The following ZCCHC3 variants were observed in gnomAD, a reference collection of about 807,000 sequenced individuals.
ZCCHC3 encodes zinc finger CCHC-type containing 3, also known as zinc finger CCHC domain-containing protein 3.
A neutral mutation model predicts 18.4 loss-of-function variants in ZCCHC3; 20 were observed. The ratio of observed to expected loss-of-function variants is 1.09; its 90% CI spans 0.76 to 1.58. ZCCHC3 has a LOEUF of 1.58. Among genes scored for constraint, ZCCHC3 ranks in the 40% most tolerant of loss-of-function variants. ZCCHC3 has a pLI of 0.00. For synonymous variants in ZCCHC3, 310 were observed against 232.7 expected (o/e 1.33, Z -3.02); for missense variants, 548 against 511.2 (o/e 1.07, Z -0.69).
Position 298,117 on chromosome 20 carries a change from C to G in ZCCHC3, c.531C>G (p.Ala177=). The G allele has an allele frequency of 6.2e-7, 1 of 1,602,076 alleles. No individual in the cohort carries two copies. Among genetic ancestry groups the G allele is most frequent in the Non-Finnish European group, 8.5e-7 (1 of 1,175,512 alleles). The change falls in exon 1 of 1, where the codon GCC becomes GCG. Residue 177 remains alanine (A), a synonymous_variant. Coordinates refer to ENST00000500893, the MANE Select transcript of ZCCHC3 (RefSeq NM_033089.7). ...TCTGTTTCCAGGGAGACGAGGGCGCCTGCCCGACCCGGGACTTCGTGGTAG... is the reference window on the plus strand; with the variant it reads ...TCTGTTTCCAGGGAGACGAGGGCGCGTGCCCGACCCGGGACTTCGTGGTAG... ...VRICFQGDEG[A]CPTRDFVVGA...
At position 297,880 on chromosome 20, in the gene ZCCHC3, G is replaced by C; in HGVS notation, c.294G>C (p.Lys98Asn). The C allele has an allele frequency of 8.0e-7, 1 of 1,248,220 alleles. No individual in the cohort carries two copies. Among genetic ancestry groups the C allele is most frequent in the Non-Finnish European group, 1.0e-6 (1 of 996,622 alleles). 77.3% of individuals were successfully genotyped at this position (1,248,220 alleles called of 1,614,324 possible). Reference protein sequence around the residue: ...DFPPAGRGDPKGRRRDPAGEA... With the variant: ...DFPPAGRGDPNGRRRDPAGEA... ...CACCGGCTGGCCGCGGGGATCCGAAGGGCCGTCGGAGAGATCCGGCCGGCG... is the reference window on the plus strand; with the variant it reads ...CACCGGCTGGCCGCGGGGATCCGAACGGCCGTCGGAGAGATCCGGCCGGCG... Residue 98 changes from lysine to asparagine, a missense_variant, in exon 1 of 1, where the codon AAG becomes AAC. Transcript: ENST00000500893.
In ZCCHC3 at chr20:299,105, G is replaced by GC. The variant is rs143844000; in HGVS notation, c.*313dup. 0.014 allele frequency: 3,304 copies of GC among 235,514 alleles called. 76 individuals carry two copies. Among genetic ancestry groups the GC allele is most frequent in the African/African-American group, 0.067 (2,730 of 40,644 alleles). 14.6% of individuals were successfully genotyped at this position (235,514 alleles called of 1,614,324 possible). A position where few individuals can be genotyped will look rare whatever the true frequency, so the allele number is the denominator to read the frequency against. ...TCTTGTACTTTTTCTCTCTCTCCTT[G>GC]CCCCCCTCCCGCCCTCCCCGCCCCA... On this transcript the variant is annotated 3_prime_UTR_variant, in exon 1 of 1. Transcript: ENST00000500893.
chr20:298,381 C>A lies in ZCCHC3; in HGVS notation c.795C>A (p.Asp265Glu), dbSNP rs1256145755. Residue 265 changes from aspartate to glutamate, a missense_variant, in exon 1 of 1, where the codon GAC becomes GAA. Coordinates refer to ENST00000500893, the MANE Select transcript of ZCCHC3 (RefSeq NM_033089.7). ...TCCTCTTCCGGAACGAGACGGTGGA[C>A]GTGGAGGACATTGTGACTTGGCTCA... ...LFILFRNETV[D>E]VEDIVTWLKR... 6 of 781,978 alleles carry A rather than the reference C, an allele frequency of 7.7e-6. No homozygotes were observed. The East Asian group carries it at 1.2e-4, about 16-fold the overall frequency. The allele number at this position is 781,978 out of a possible 1,614,324, so 48.4% of individuals were successfully genotyped here. A position where few individuals can be genotyped will look rare whatever the true frequency, so the allele number is the denominator to read the frequency against.
chr20:299,308 A>T lies in ZCCHC3; in HGVS notation c.*510A>T, dbSNP rs1600197883. The T allele has an allele frequency of 6.0e-6, 1 of 167,430 alleles. No individual in the cohort carries two copies. Among genetic ancestry groups the T allele is most frequent in the Non-Finnish European group, 1.5e-5 (1 of 68,384 alleles). 10.4% of individuals were successfully genotyped at this position (167,430 alleles called of 1,614,324 possible). On this transcript the variant is annotated 3_prime_UTR_variant, in exon 1 of 1. Transcript: ENST00000500893. Reference sequence around the variant, plus strand: ...CCTTTTGCAGCTCTTCCCCTCCCTCATTTAATTTGCTGCTTTTAATCTACG... The same window carrying T: ...CCTTTTGCAGCTCTTCCCCTCCCTCTTTTAATTTGCTGCTTTTAATCTACG...
chr20:297,781 AAGC>A lies in ZCCHC3; in HGVS notation c.196_198del (p.Ser66del). The A allele has an allele frequency of 7.3e-7, 1 of 1,366,146 alleles. No individual in the cohort carries two copies. The highest frequency in any genetic ancestry group is 9.5e-7 in the Non-Finnish European group (1 of 1,055,758). The allele number at this position is 1,366,146 out of a possible 1,614,324, so 84.6% of individuals were successfully genotyped here. On this transcript the variant is annotated inframe_deletion, in exon 1 of 1. Coordinates refer to ENST00000500893, the MANE Select transcript of ZCCHC3 (RefSeq NM_033089.7). ...CGCGGCCGCCGCGGCGGGAGGAGGA[AAGC>A]GGCGGCGGTGGAGGGAGCGCCGGGC...
In ZCCHC3 at chr20:298,832, C is replaced by T; in HGVS notation, c.*34C>T. Reference sequence around the variant, plus strand: ...CTGCCTGCCAGGGTGAACACACAGCCAGCTTATCCCTCTTAAGTGCCAAAA... The same window carrying T: ...CTGCCTGCCAGGGTGAACACACAGCTAGCTTATCCCTCTTAAGTGCCAAAA... On this transcript the variant is annotated 3_prime_UTR_variant, in exon 1 of 1. Transcript: ENST00000500893. 5 of 1,490,362 alleles carry T rather than the reference C, an allele frequency of 3.4e-6. No individual in the cohort carries two copies. The highest frequency in any genetic ancestry group is 4.5e-6 in the Non-Finnish European group (5 of 1,119,834). 92.3% of individuals were successfully genotyped at this position (1,490,362 alleles called of 1,614,324 possible). A position where few individuals can be genotyped will look rare whatever the true frequency, so the allele number is the denominator to read the frequency against.
At position 297,670 on chromosome 20, in the gene ZCCHC3, C is replaced by T. The variant is rs549818711; in HGVS notation, c.84C>T (p.Gly28=). ...CCCCCGCGCGGCCCGCGGCCCGGGGCGAGGAGGCCGACGGCGGCCGCGAGA... is the reference window on the plus strand; with the variant it reads ...CCCCCGCGCGGCCCGCGGCCCGGGGTGAGGAGGCCGACGGCGGCCGCGAGA... ...LLPPARPAAR[G]EEADGGREKM... The change falls in exon 1 of 1, where the codon GGC becomes GGT. Residue 28 remains glycine (G), a synonymous_variant. Transcript: ENST00000500893. 206 of 1,364,320 alleles carry T rather than the reference C, an allele frequency of 1.5e-4. 1 individual carries two copies. In the African/African-American group the frequency reaches 3.0e-3, roughly 20 times the overall value. The allele number at this position is 1,364,320 out of a possible 1,614,324, so 84.5% of individuals were successfully genotyped here.
In ZCCHC3 at chr20:297,938, G is replaced by A; in HGVS notation, c.352G>A (p.Ala118Thr). 7.8e-7 allele frequency: 1 copy of A among 1,283,086 alleles called. No homozygotes were observed. Among genetic ancestry groups the A allele is most frequent in the Non-Finnish European group, 9.8e-7 (1 of 1,018,092 alleles). The allele number at this position is 1,283,086 out of a possible 1,614,324, so 79.5% of individuals were successfully genotyped here. Residue 118 changes from alanine (A) to threonine (T), a missense_variant, in exon 1 of 1, where the codon GCG (alanine) becomes ACG (threonine). Physicochemically the swap from Ala to Thr is moderately conservative, Grantham distance 58. Coordinates refer to ENST00000500893, the MANE Select transcript of ZCCHC3 (RefSeq NM_033089.7). Reference sequence around the variant, plus strand: ...GGACCCCCGCAAAAAGAAGGGCGCTGCGGAGGCGGGCAGGAGGAAGAAGGC... The same window carrying A: ...GGACCCCCGCAAAAAGAAGGGCGCTACGGAGGCGGGCAGGAGGAAGAAGGC... ...AVDPRKKKGA[A>T]EAGRRKKAEA... is the part of the protein sequence containing the mutation.
In ZCCHC3 at chr20:299,000, G is replaced by T. The variant is rs982993778; in HGVS notation, c.*202G>T. 8.5e-6 allele frequency: 4 copies of T among 469,564 alleles called. No individual in the cohort carries two copies. Among genetic ancestry groups the T allele is most frequent in the African/African-American group, 8.1e-5 (4 of 49,412 alleles). The allele number at this position is 469,564 out of a possible 1,614,324, so 29.1% of individuals were successfully genotyped here. On this transcript the variant is annotated 3_prime_UTR_variant, in exon 1 of 1. Coordinates refer to ENST00000500893, the MANE Select transcript of ZCCHC3 (RefSeq NM_033089.7). ...TGACTCTGTCACCAATAACGACTGC[G>T]GAGAACTGTAGCGTGCAGATGTGTT...
At position 297,751 on chromosome 20, in the gene ZCCHC3, C is replaced by T; in HGVS notation, c.165C>T (p.Arg55=). The change falls in exon 1 of 1, where the codon CGC becomes CGT. Residue 55 remains arginine, a synonymous_variant. Coordinates refer to ENST00000500893, the MANE Select transcript of ZCCHC3 (RefSeq NM_033089.7). ...KNLAEKKGEF[R]EPRPPRREEE... ...TAGCCGAGAAGAAGGGCGAATTCCG[C>T]GAGCCGCGGCCGCCGCGGCGGGAGG... 1 of 1,363,732 alleles carries T rather than the reference C, an allele frequency of 7.3e-7. No homozygotes were observed. Among genetic ancestry groups the T allele is most frequent in the South Asian group, 1.8e-5 (1 of 55,362 alleles). 84.5% of individuals were successfully genotyped at this position (1,363,732 alleles called of 1,614,324 possible). A position where few individuals can be genotyped will look rare whatever the true frequency, so the allele number is the denominator to read the frequency against.
chr20:297,944 G>A lies in ZCCHC3; in HGVS notation c.358G>A (p.Ala120Thr). The part of the protein sequence containing the change: ...DPRKKKGAAE[A>T]GRRKKAEAAA... ...CCGCAAAAAGAAGGGCGCTGCGGAG[G>A]CGGGCAGGAGGAAGAAGGCCGAGGC... Residue 120 changes from alanine to threonine, a missense_variant, in exon 1 of 1, where the codon GCG becomes ACG. Ala to Thr is a moderately conservative substitution (Grantham distance 58). Coordinates refer to ENST00000500893, the MANE Select transcript of ZCCHC3 (RefSeq NM_033089.7). 1 of 1,286,206 alleles carries A rather than the reference G, an allele frequency of 7.8e-7. No individual in the cohort carries two copies. Among genetic ancestry groups the A allele is most frequent in the South Asian group, 2.8e-5 (1 of 35,382 alleles). The allele number at this position is 1,286,206 out of a possible 1,614,324, so 79.7% of individuals were successfully genotyped here. A position where few individuals can be genotyped will look rare whatever the true frequency, so the allele number is the denominator to read the frequency against.
Position 298,312 on chromosome 20 carries a change from T to C in ZCCHC3, c.726T>C (p.Phe242=), listed in dbSNP as rs1169317319. The C allele has an allele frequency of 6.3e-6, 5 of 795,748 alleles. No individual in the cohort carries two copies. Among genetic ancestry groups the C allele is most frequent in the Non-Finnish European group, 2.3e-6 (1 of 431,644 alleles). 49.3% of individuals were successfully genotyped at this position (795,748 alleles called of 1,614,324 possible). Reference sequence around the variant, plus strand: ...AGCAGGAGGACTGCTGGGAGAACTTTGTGGTGCTGGGGCGGAGCAAGTCCA... The same window carrying C: ...AGCAGGAGGACTGCTGGGAGAACTTCGTGGTGCTGGGGCGGAGCAAGTCCA... ...KREQEDCWEN[F]VVLGRSKSSL... is the part of the protein sequence containing the mutation. Residue 242 remains phenylalanine (F), a synonymous_variant, in exon 1 of 1, where the codon TTT becomes TTC. Coordinates refer to ENST00000500893, the MANE Select transcript of ZCCHC3 (RefSeq NM_033089.7).
rs756469217 is a variant in ZCCHC3 at position 298,207 on chromosome 20, G to T, written c.621G>T (p.Pro207=). The T allele has an allele frequency of 2.4e-6, 3 of 1,242,380 alleles. No homozygotes were observed. The highest frequency in any genetic ancestry group is 3.6e-6 in the Non-Finnish European group (3 of 840,322). 77.0% of individuals were successfully genotyped at this position (1,242,380 alleles called of 1,614,324 possible). Residue 207 remains proline, a synonymous_variant, in exon 1 of 1, where the codon CCG becomes CCT. Transcript: ENST00000500893. The part of the protein sequence containing the change: ...PSDIYAVIQI[P]GSREFDVSFR... ...ACATCTACGCGGTCATCCAGATCCC[G>T]GGCAGCCGCGAATTCGACGTGAGCT...
rs1314083575 is a variant in ZCCHC3 at position 299,990 on chromosome 20, G to GT, written c.*1195dup. On this transcript the variant is annotated 3_prime_UTR_variant, in exon 1 of 1. Transcript: ENST00000500893. ...CCCTGTGTAAAGAAACCTACCAAAG[G>GT]TTTACATTTGCACCTTAGCCTCAAT... 6.0e-6 allele frequency: 1 copy of GT among 167,062 alleles called. No homozygotes were observed. The highest frequency in any genetic ancestry group is 1.5e-5 in the Non-Finnish European group (1 of 68,110). The allele number at this position is 167,062 out of a possible 1,614,324, so 10.3% of individuals were successfully genotyped here. A position where few individuals can be genotyped will look rare whatever the true frequency, so the allele number is the denominator to read the frequency against.
Position 298,770 on chromosome 20 carries a change from C to T in ZCCHC3, c.1184C>T (p.Ala395Val). 1 of 1,523,826 alleles carries T rather than the reference C, an allele frequency of 6.6e-7. No homozygotes were observed. Among genetic ancestry groups the T allele is most frequent in the Non-Finnish European group, 8.8e-7 (1 of 1,133,098 alleles). 94.4% of individuals were successfully genotyped at this position (1,523,826 alleles called of 1,614,324 possible). A position where few individuals can be genotyped will look rare whatever the true frequency, so the allele number is the denominator to read the frequency against. Residue 395 changes from alanine to valine, a missense_variant, in exon 1 of 1, where the codon GCT (alanine) becomes GTT (valine). Physicochemically the swap from Ala to Val is moderately conservative, Grantham distance 64. Transcript: ENST00000500893. ...CPKAVHNSVA[A>V]QLTGVAGH Reference sequence around the variant, plus strand: ...AAAGCAGTGCACAATTCCGTGGCAGCTCAGCTAACCGGCGTGGCCGGGCAC... The same window carrying T: ...AAAGCAGTGCACAATTCCGTGGCAGTTCAGCTAACCGGCGTGGCCGGGCAC...
Position 298,867 on chromosome 20 carries a change from A to C in ZCCHC3, c.*69A>C, listed in dbSNP as rs1461338953. Reference sequence around the variant, plus strand: ...CTCTTAAGTGCCAAAACTTTTTTTTAAACCATTTTTTATCGTTTTTGAAGG... The same window carrying C: ...CTCTTAAGTGCCAAAACTTTTTTTTCAACCATTTTTTATCGTTTTTGAAGG... On this transcript the variant is annotated 3_prime_UTR_variant, in exon 1 of 1. Transcript: ENST00000500893. The C allele has an allele frequency of 2.1e-6, 3 of 1,459,052 alleles. No homozygotes were observed. Among genetic ancestry groups the C allele is most frequent in the East Asian group, 2.5e-5 (1 of 40,552 alleles). The allele number at this position is 1,459,052 out of a possible 1,614,324, so 90.4% of individuals were successfully genotyped here. A position where few individuals can be genotyped will look rare whatever the true frequency, so the allele number is the denominator to read the frequency against.
Position 299,011 on chromosome 20 carries a change from G to C in ZCCHC3, c.*213G>C, listed in dbSNP as rs941466437. ...CCAATAACGACTGCGGAGAACTGTA[G>C]CGTGCAGATGTGTTGCCCCTCCCTT... On this transcript the variant is annotated 3_prime_UTR_variant, in exon 1 of 1. Transcript: ENST00000500893. 32 of 431,440 alleles carry C rather than the reference G, an allele frequency of 7.4e-5. No individual in the cohort carries two copies. The highest frequency in any genetic ancestry group is 3.7e-5 in the Non-Finnish European group (9 of 242,392). The allele number at this position is 431,440 out of a possible 1,614,324, so 26.7% of individuals were successfully genotyped here. A position where few individuals can be genotyped will look rare whatever the true frequency, so the allele number is the denominator to read the frequency against.
chr20:298,064 C>T lies in ZCCHC3; in HGVS notation c.478C>T (p.Pro160Ser). Residue 160 changes from proline (P) to serine (S), a missense_variant, in exon 1 of 1, where the codon CCG (proline) becomes TCG (serine). By Grantham distance (74) the Pro-to-Ser change is moderately conservative. Transcript: ENST00000500893. ...GGATGAGCCGGCGGCGGCGGCAGGCCCGGGCAAGGGTCGCTTCCTCGTCCG... is the reference window on the plus strand; with the variant it reads ...GGATGAGCCGGCGGCGGCGGCAGGCTCGGGCAAGGGTCGCTTCCTCGTCCG... ...LQDEPAAAAG[P>S]GKGRFLVRIC... is the part of the protein sequence containing the mutation. The T allele has an allele frequency of 6.6e-7, 1 of 1,514,392 alleles. No homozygotes were observed. Among genetic ancestry groups the T allele is most frequent in the Non-Finnish European group, 8.9e-7 (1 of 1,128,248 alleles). The allele number at this position is 1,514,392 out of a possible 1,614,324, so 93.8% of individuals were successfully genotyped here. A position where few individuals can be genotyped will look rare whatever the true frequency, so the allele number is the denominator to read the frequency against.
chr20:298,905 A>G lies in ZCCHC3; in HGVS notation c.*107A>G. ...TCGTTTTTGAAGGAGATCTTTTTAA[A>G]ACCTACAAGAGACATCTCTCTATGC... is the stretch of plus-strand genomic sequence containing the variant. On this transcript the variant is annotated 3_prime_UTR_variant, in exon 1 of 1. Transcript: ENST00000500893. 7.6e-7 allele frequency: 1 copy of G among 1,310,196 alleles called. No individual in the cohort carries two copies. Among genetic ancestry groups the G allele is most frequent in the Non-Finnish European group, 1.0e-6 (1 of 985,112 alleles). The allele number at this position is 1,310,196 out of a possible 1,614,324, so 81.2% of individuals were successfully genotyped here.
Sources: gnomAD v4.1 joint callset for allele counts on GRCh38, gnomAD v4.1.1 for gene constraint, MANE v1.5 for transcripts, NCBI Gene and HGNC (gene_info 2026-07-23, HGNC 2026-07-21) for gene names.